SEMA3A: variants seen among roughly 807,000 people sequenced by gnomAD.
The protein encoded by SEMA3A is semaphorin-3A.
A neutral mutation model predicts 97.9 loss-of-function variants in SEMA3A; 29 were observed. The ratio of observed to expected loss-of-function variants is 0.30; its 90% CI spans 0.22 to 0.40. The LOEUF is 0.40. Ranked by LOEUF, SEMA3A falls within the 10% of genes least tolerant of loss-of-function variation. SEMA3A has a pLI of 1.00. For synonymous variants in SEMA3A, 321 were observed against 323.7 expected (o/e 0.99, Z 0.09); for missense variants, 763 against 951.3 (o/e 0.80, Z 2.60).
rs954695754 is a variant in SEMA3A at position 84,224,130 on chromosome 7, C to A, written c.-82-29462G>T. 1.2e-3 allele frequency among the ~76,000 whole-genome samples: 175 copies of A among 151,846 alleles called. 1 individual carries two copies. The highest frequency in any genetic ancestry group is 2.9e-4 in the Non-Finnish European group (20 of 67,852). On this transcript the variant is annotated intron_variant, in intron 3 of 3. Transcript: ENST00000424555. ...TTCCCCCATCTTTAATTTAATCATT[C>A]ATTTGCCCTGTATTCTACATGTCCT...
In SEMA3A at chr7:84,158,793, ATTG is replaced by A. The variant is rs554787676; in HGVS notation, c.113-23845_113-23843del. Among the ~76,000 whole-genome samples, 244 of 152,308 alleles carry A rather than the reference ATTG, an allele frequency of 1.6e-3. 1 individual carries two copies. Among genetic ancestry groups the A allele is most frequent in the African/African-American group, 4.8e-3 (201 of 41,578 alleles). ...ATAATTCTTACATTGACACTTGCAA[ATTG>A]TTGTGATGCCTTGAATTTTAATTTC... On this transcript the variant is annotated intron_variant, in intron 1 of 16. Coordinates refer to ENST00000265362, the MANE Select transcript of SEMA3A (RefSeq NM_006080.3).
At chr7:84,305,185 T>G (rs1426592714) in intron 3 of SEMA3A, among the ~76,000 whole-genome samples, 1 of 151,474 alleles carries the variant, frequency 6.6e-6, no homozygotes, top group Non-Finnish European at 1.5e-5. Context: ...TTATATAAGC[T>G]ATTTCAAAAC....
intron 3 of SEMA3A, among the ~76,000 whole-genome samples, chr7:84,215,399 G>A (rs1222615902): frequency 7.1e-6 from 1 of 141,052 alleles, no homozygotes; most frequent in Non-Finnish European, 1.5e-5. Flanking sequence ...TATTGGCCAG[G>A]CTGGTCTTGA....
intron 4 of SEMA3A, among the ~76,000 whole-genome samples, chr7:84,094,670 C>T (rs1341799872): frequency 6.6e-6 from 1 of 151,878 alleles, no homozygotes; most frequent in East Asian, 1.9e-4. Context: ...AATATGACAC[C>T]GATTCTAAAA....
intron 6 of SEMA3A, among the ~76,000 whole-genome samples, chr7:84,042,433 C>T (rs1415652624): frequency 2.0e-5 from 3 of 152,008 alleles, no homozygotes; most frequent in Non-Finnish European, 4.4e-5. Flanking sequence ...CATGTGGTTT[C>T]ATATATTAAA....
Position 84,321,872 on chromosome 7 carries a change from G to GAAAA in SEMA3A, c.-168-14584_-168-14581dup, listed in dbSNP as rs1156548285. Among the ~76,000 whole-genome samples the GAAAA allele has an allele frequency of 2.1e-3, 25 of 12,038 alleles. 1 individual carries two copies. The highest frequency in any genetic ancestry group is 4.6e-3 in the East Asian group (2 of 436). The allele number at this position is 12,038 out of a possible 152,430, so 7.9% of individuals were successfully genotyped here. On this transcript the variant is annotated intron_variant, in intron 2 of 3. Transcript: ENST00000424555. The stretch of plus-strand genomic sequence containing the variant: ...GCCTGGCCGACAGAGCGAGACTACG[G>GAAAA]AAAAAAAAAAAAAAAAAAAAAAAAA...
chr7:84,282,237 A>T (rs1478651516), intron 3 of SEMA3A, among the ~76,000 whole-genome samples: 2 of 151,956 alleles, frequency 1.3e-5, no homozygotes, highest in Non-Finnish European at 1.5e-5. Flanking sequence ...GTTTACAGTT[A>T]AAAAAAACAT....
intron 3 of SEMA3A, among the ~76,000 whole-genome samples, chr7:84,276,481 A>G (rs1800300230): frequency 6.6e-6 from 1 of 152,094 alleles, no homozygotes; most frequent in African/African-American, 2.4e-5. Context: ...ATTTAATTAC[A>G]TCTTTCATTC....
intron 6 of SEMA3A, among the ~76,000 whole-genome samples, chr7:84,025,145 T>C (rs190956315): frequency 5.6e-4 from 86 of 152,236 alleles, no homozygotes; most frequent in Non-Finnish European, 9.1e-4. Flanking sequence ...AGATTACCAG[T>C]GGAAGCAAGT....
intron 1 of SEMA3A, among the ~76,000 whole-genome samples, chr7:84,139,719 T>C (rs1796244709): frequency 6.6e-6 from 1 of 152,106 alleles, no homozygotes; most frequent in Admixed American, 6.5e-5. Flanking sequence ...TTGTACTCTC[T>C]TGTGATGTAG....
At chr7:84,233,573 A>C (rs1251864274) in intron 3 of SEMA3A, among the ~76,000 whole-genome samples, 5 of 152,024 alleles carry the variant, frequency 3.3e-5, no homozygotes, top group Non-Finnish European at 7.4e-5. Context: ...ACATTAATAA[A>C]GGAATTTTAA....
intron 1 of SEMA3A, among the ~76,000 whole-genome samples, chr7:84,477,320 T>C (rs1336411379): frequency 1.3e-5 from 2 of 149,326 alleles, no homozygotes; most frequent in African/African-American, 2.5e-5. Context: ...GCACCTGTAG[T>C]CCCAGCTACT....
intron 1 of SEMA3A, among the ~76,000 whole-genome samples, chr7:84,410,064 C>T (rs1165551520): frequency 6.6e-6 from 1 of 151,744 alleles, no homozygotes; most frequent in Non-Finnish European, 1.5e-5. Flanking sequence ...GAAAATTTTT[C>T]CATGGAGAAA....
intron 12 of SEMA3A, among the ~76,000 whole-genome samples, chr7:83,986,729 G>A (rs1261423305): frequency 6.6e-6 from 1 of 152,120 alleles, no homozygotes; most frequent in Non-Finnish European, 1.5e-5. Context: ...TGAAGAGCTG[G>A]ACTCTGGAGC....
chr7:84,442,796 T>C (rs1040772440), intron 1 of SEMA3A, among the ~76,000 whole-genome samples: 1 of 151,986 alleles, frequency 6.6e-6, no homozygotes, highest in Non-Finnish European at 1.5e-5. Context: ...TCCTTGAAAA[T>C]ACTAATAAAA....
At chr7:84,201,601 A>C (rs577919620) in intron 3 of SEMA3A, among the ~76,000 whole-genome samples, 1 of 152,174 alleles carries the variant, frequency 6.6e-6, no homozygotes, top group Non-Finnish European at 1.5e-5. Context: ...AGATTAGAAA[A>C]TGCCTTGTTT....
At chr7:84,373,982 C>T (rs549241333) in intron 1 of SEMA3A, among the ~76,000 whole-genome samples, 37 of 152,188 alleles carry the variant, frequency 2.4e-4, no homozygotes, top group African/African-American at 8.4e-4. Context: ...AGGAAGTCCT[C>T]AAGTTTGAAG....
intron 3 of SEMA3A, among the ~76,000 whole-genome samples, chr7:84,295,064 T>A (rs1227665512): frequency 2.6e-5 from 4 of 152,032 alleles, no homozygotes; most frequent in Non-Finnish European, 4.4e-5. Context: ...GTTCATTCCA[T>A]CCAAACTTGG....
chr7:84,172,548 A>T (rs1797419693), intron 1 of SEMA3A, among the ~76,000 whole-genome samples: 1 of 151,910 alleles, frequency 6.6e-6, no homozygotes, highest in East Asian at 1.9e-4. Flanking sequence ...CAGCCTCCCG[A>T]GTAGCTGGGA....
Sources: gnomAD v4.1 joint callset for allele counts (sites outside exome capture counted in the v4.1 genomes callset) on GRCh38, gnomAD v4.1.1 for gene constraint, MANE v1.5 for transcripts, NCBI Gene and HGNC (gene_info 2026-07-23, HGNC 2026-07-21) for gene names.